Variants in CFAP58 observed in about 807,000 individuals in gnomAD.
The protein encoded by CFAP58 is cilia and flagella associated protein 58.
Under a neutral mutation model 119.5 loss-of-function variants are expected in CFAP58, and 88 were observed. The observed-to-expected ratio is 0.74, with a 90% CI of 0.62 to 0.88. The LOEUF (loss-of-function observed/expected upper bound fraction) is 0.88. Among genes scored for constraint, CFAP58 ranks in the 40% least tolerant of loss-of-function variants. The pLI is 0.00. For synonymous variants in CFAP58, 365 were observed against 366.3 expected (o/e 1.00, Z 0.04); for missense variants, 990 against 1,021.2 (o/e 0.97, Z 0.42).
the CFAP58 span, among the ~76,000 whole-genome samples, chr10:104,342,682 A>C: frequency 1.5e-5 from 2 of 131,870 alleles, no homozygotes; most frequent in Non-Finnish European, 3.4e-5. Flanking sequence ...AAAAAAAAAA[A>C]AAAAATACAA....
rs372309839 is a variant in CFAP58 at position 104,416,131 on chromosome 10, C to T, written c.2256+9338C>T. Among the ~76,000 whole-genome samples, 68 of 152,204 alleles carry T rather than the reference C, an allele frequency of 4.5e-4. 1 individual carries two copies. Among genetic ancestry groups the T allele is most frequent in the African/African-American group, 1.4e-3 (60 of 41,534 alleles). On this transcript the variant is annotated intron_variant, in intron 15 of 17. Transcript: ENST00000369704. ...TCCTGCCCAGAAAATTTTATTAAAA[C>T]GATGAGAATACTGAGGCATTTTCCC...
intron 15 of CFAP58, among the ~76,000 whole-genome samples, chr10:104,442,854 T>G (rs991389122): frequency 1.6e-4 from 24 of 152,198 alleles, no homozygotes; most frequent in African/African-American, 5.8e-4. Flanking sequence ...ATGGAACTCA[T>G]AGGACCAGCT....
At chr10:104,392,639 C>CTTT (rs35863751) in intron 10 of CFAP58, among the ~76,000 whole-genome samples, 25 of 123,926 alleles carry the variant, frequency 2.0e-4, no homozygotes, top group African/African-American at 6.4e-4. Context: ...CGTCTTTCTA[C>CTTT]TTTTTTTTTT....
At chr10:104,398,539 T>C (rs2012204028) in intron 11 of CFAP58, among the ~76,000 whole-genome samples, 1 of 152,234 alleles carries the variant, frequency 6.6e-6, no homozygotes, top group Non-Finnish European at 1.5e-5. Flanking sequence ...ATTGTCCTGC[T>C]GAAACTTAAC....
At chr10:104,349,071 ACT>A (rs2014430044), upstream of CFAP58, among the ~76,000 whole-genome samples, 1 of 151,862 alleles carries the variant, frequency 6.6e-6, no homozygotes, top group Admixed American at 6.6e-5. Context: ...ACACGTTGAA[ACT>A]CTGTCTCTAA....
intron 15 of CFAP58, among the ~76,000 whole-genome samples, chr10:104,419,552 T>A (rs928475214): frequency 6.6e-6 from 1 of 152,120 alleles, no homozygotes; most frequent in African/African-American, 2.4e-5. Context: ...ACTGTTCTTT[T>A]ATCTGTGTCC....
chr10:104,403,272 C>T (rs929480670), intron 13 of CFAP58, among the ~76,000 whole-genome samples: 5 of 152,114 alleles, frequency 3.3e-5, no homozygotes, highest in African/African-American at 7.2e-5. Flanking sequence ...TTGCCTGCCA[C>T]GATGTAAGAT....
At chr10:104,438,357 T>TTG in intron 15 of CFAP58, among the ~76,000 whole-genome samples, 1 of 83,798 alleles carries the variant, frequency 1.2e-5, no homozygotes, top group African/African-American at 4.2e-5. Context: ...TGTTTTTTTT[T>TTG]TTTGTTTTTT....
In CFAP58 at chr10:104,403,838, G is replaced by A. The variant is rs563615896; in HGVS notation, c.2149G>A (p.Glu717Lys). ...PLNVHRWRKL[E>K]ASDPNAYELI... ...GAATGTGCACAGATGGAGGAAGCTCGAGGTAACATCTGGCAGCGTGTTCTC... is the reference window on the plus strand; with the variant it reads ...GAATGTGCACAGATGGAGGAAGCTCAAGGTAACATCTGGCAGCGTGTTCTC... The change falls in exon 14 of 18, where the codon GAG (glutamate) becomes AAG (lysine). Residue 717 changes from glutamate (E) to lysine (K), a missense_variant and splice_region_variant. Transcript: ENST00000369704. The A allele has an allele frequency of 1.5e-5, 24 of 1,601,630 alleles. No homozygotes were observed. The highest frequency in any genetic ancestry group is 2.2e-5 in the South Asian group (2 of 89,562).
At chr10:104,352,603 T>G (rs2135235440), upstream of CFAP58, among the ~76,000 whole-genome samples, 1 of 152,370 alleles carries the variant, frequency 6.6e-6, no homozygotes, top group Middle Eastern at 3.4e-3. Context: ...AATGTCCCTG[T>G]GCATCCCTAT....
intron 17 of CFAP58, among the ~76,000 whole-genome samples, chr10:104,452,413 A>C (rs1251422146): frequency 6.6e-6 from 1 of 152,196 alleles, no homozygotes; most frequent in South Asian, 2.1e-4. Context: ...CACTGTTATA[A>C]ACAGCTAGCT....
chr10:104,380,526 G>A lies in CFAP58; in HGVS notation c.1365+306G>A, dbSNP rs987548538. On this transcript the variant is annotated intron_variant, in intron 9 of 17. Transcript: ENST00000369704. ...GCAGCATCCCTGGGCTGGCACCAGGGCTGCCAGCATCATCTCTCAACTCTC... is the reference window on the plus strand; with the variant it reads ...GCAGCATCCCTGGGCTGGCACCAGGACTGCCAGCATCATCTCTCAACTCTC... 2.0e-5 allele frequency among the ~76,000 whole-genome samples: 3 copies of A among 151,994 alleles called. No individual in the cohort carries two copies. The East Asian group carries it at 5.8e-4, about 29-fold the overall frequency.
intron 15 of CFAP58, among the ~76,000 whole-genome samples, chr10:104,424,749 G>C (rs2012715572): frequency 6.6e-6 from 1 of 152,186 alleles, no homozygotes; most frequent in Admixed American, 6.5e-5. Context: ...TAGAGCCACT[G>C]TCTGGGATGG....
intron 15 of CFAP58, among the ~76,000 whole-genome samples, chr10:104,436,885 A>G (rs2012944060): frequency 1.3e-5 from 2 of 152,200 alleles, no homozygotes; most frequent in African/African-American, 4.8e-5. Flanking sequence ...CTCTAGCCAA[A>G]TTGAACTACT....
intron 15 of CFAP58, among the ~76,000 whole-genome samples, chr10:104,442,993 A>G (rs906738063): frequency 5.3e-5 from 8 of 152,226 alleles, no homozygotes; most frequent in African/African-American, 1.9e-4. Context: ...CGATGGGCAT[A>G]GTTTGCTGAC....
At chr10:104,343,181 C>T in the CFAP58 span, among the ~76,000 whole-genome samples, 3 of 152,204 alleles carry the variant, frequency 2.0e-5, no homozygotes, top group Non-Finnish European at 4.4e-5. Flanking sequence ...GGATGTTTCA[C>T]AGAACAGGCT....
chr10:104,381,172 A>G (rs1018960258), intron 9 of CFAP58, among the ~76,000 whole-genome samples: 49 of 151,164 alleles, frequency 3.2e-4, no homozygotes, highest in Admixed American at 3.2e-3. Context: ...CAAACAAACA[A>G]ACAGACAAAC....
chr10:104,409,123 C>G (rs923333563), intron 15 of CFAP58, among the ~76,000 whole-genome samples: 10 of 151,962 alleles, frequency 6.6e-5, no homozygotes, highest in Admixed American at 3.9e-4. Context: ...TTATTTAGTT[C>G]CTTTCCACAG....
chr10:104,396,369 T>TGAGAGAGAGAGAGAGAAAGA (rs2012154141), intron 11 of CFAP58, among the ~76,000 whole-genome samples: 1 of 86,838 alleles, frequency 1.2e-5, no homozygotes, highest in Admixed American at 1.5e-4. Flanking sequence ...CTGTTATCCA[T>TGAGAGAGAGAGAGAGAAAGA]GAGAGAGAGA....
Sources: gnomAD v4.1 joint callset for allele counts (sites outside exome capture counted in the v4.1 genomes callset) on GRCh38, gnomAD v4.1.1 for gene constraint, MANE v1.5 for transcripts, NCBI Gene and HGNC (gene_info 2026-07-23, HGNC 2026-07-21) for gene names.